The following POC5 variants were observed in gnomAD, a reference collection of about 807,000 sequenced individuals.
The protein encoded by POC5 is POC5 centriolar protein.
POC5 carries 48 observed loss-of-function variants against 62.9 expected under a neutral mutation model. The observed-to-expected ratio is 0.76, with a 90% confidence interval of 0.61 to 0.97. The LOEUF (loss-of-function observed/expected upper bound fraction) is 0.97, where lower values mean the gene tolerates loss of function less well. POC5 is among the 50% of genes least tolerant of loss of function. POC5 has a pLI of 0.00. For synonymous variants in POC5, 236 were observed against 228.2 expected, an observed-to-expected ratio of 1.03 and a Z score of -0.31; for missense variants, 696 against 679.5, an observed-to-expected ratio of 1.02 and a Z score of -0.27.
intron 11 of POC5, among the ~76,000 whole-genome samples, chr5:75,675,893 G>T (rs1169526613): frequency 6.6e-6 from 1 of 152,178 alleles, no homozygotes; most frequent in Non-Finnish European, 1.5e-5. Context: ...CGCATCCTTG[G>T]TTTTTTAGTA....
At chr5:75,702,943 A>G (rs1403040636) in intron 4 of POC5, 133 bp from the exon 5 acceptor site, 12 of 672,120 alleles carry the variant, frequency 1.8e-5, no homozygotes, top group Non-Finnish European at 3.0e-5. Flanking sequence ...ACTACCTTTC[A>G]GGTGTACCTT....
intron 10 of POC5, among the ~76,000 whole-genome samples, chr5:75,683,265 C>T (rs193220672): frequency 1.4e-3 from 216 of 150,188 alleles, no homozygotes; most frequent in Middle Eastern, 6.8e-3. Context: ...GAGACAGTCT[C>T]GCTGTGTCGC....
At chr5:75,707,669 C>T (rs1186772002) in intron 3 of POC5, 68 bp downstream of exon 3, 1 of 1,257,072 alleles carries the variant, frequency 8.0e-7, no homozygotes, top group Non-Finnish European at 1.1e-6. Context: ...TTTTCACAAT[C>T]CTGTCAGTAT....
intron 10 of POC5, among the ~76,000 whole-genome samples, chr5:75,678,729 CCT>C (rs1223242892): frequency 6.6e-6 from 1 of 152,046 alleles, no homozygotes; most frequent in Non-Finnish European, 1.5e-5. Context: ...AAAGAAAAAT[CCT>C]CTTTTGAGAG....
intron 10 of POC5, among the ~76,000 whole-genome samples, chr5:75,684,363 ATTT>A (rs749361349): frequency 1.8e-4 from 24 of 132,668 alleles, no homozygotes; most frequent in Admixed American, 3.1e-4. Context: ...TTCCTACATA[ATTT>A]TTTTTTTTTT....
intron 1 of POC5, among the ~76,000 whole-genome samples, chr5:75,714,674 G>A (rs925353235): frequency 1.3e-5 from 2 of 152,162 alleles, no homozygotes; most frequent in Non-Finnish European, 2.9e-5. Context: ...TGAGCAGGTT[G>A]GGAGGAAGGA....
chr5:75,683,446 G>A (rs376896466), intron 10 of POC5, among the ~76,000 whole-genome samples: 21 of 151,870 alleles, frequency 1.4e-4, no homozygotes, highest in African/African-American at 4.8e-4. Context: ...TCTTGGCCAG[G>A]CTGGTCTTGA....
intron 2 of POC5, among the ~76,000 whole-genome samples, chr5:75,710,647 T>C (rs903658833): frequency 2.6e-5 from 4 of 152,246 alleles, no homozygotes; most frequent in African/African-American, 7.2e-5. Context: ...CTGGGACTTC[T>C]AGCCTCCAGA....
At chr5:75,685,568 T>G (rs1776070800) in intron 9 of POC5, 84 bp from the exon 10 acceptor site, 2 of 1,416,052 alleles carry the variant, frequency 1.4e-6, no homozygotes, top group Non-Finnish European at 1.9e-6. Context: ...ACATACTGGC[T>G]AAAGTTTGGT....
chr5:75,685,111 C>T, intron 10 of POC5, 96 bp downstream of exon 10: 1 of 1,314,048 alleles, frequency 7.6e-7, no homozygotes. Flanking sequence ...TCGTGATCCA[C>T]CTGCCTCGGC....
chr5:75,712,389 T>C (rs1469460072), intron 2 of POC5: 2 of 1,609,738 alleles, frequency 1.2e-6, no homozygotes, highest in Non-Finnish European at 1.7e-6. Flanking sequence ...CTTCATTTTA[T>C]CTGTCAATGT....
At chr5:75,701,318 C>A (rs1003290003) in intron 5 of POC5, among the ~76,000 whole-genome samples, 6 of 126,064 alleles carry the variant, frequency 4.8e-5, no homozygotes, top group African/African-American at 8.4e-5. Flanking sequence ...TTGGAACCAA[C>A]CCAAATGTCC....
chr5:75,691,695 T>C (rs1406256005), intron 7 of POC5, among the ~76,000 whole-genome samples: 1 of 148,536 alleles, frequency 6.7e-6, no homozygotes, highest in African/African-American at 2.4e-5. Context: ...CTCACATGAA[T>C]ATACATGGAA....
chr5:75,685,153 C>T, intron 10 of POC5, 54 bp downstream of exon 10: 1 of 1,529,118 alleles, frequency 6.5e-7, no homozygotes, highest in East Asian at 2.5e-5. Flanking sequence ...AGGTGTGAGC[C>T]ACTGGGCCTG....
chr5:75,699,024 G>C (rs890357832), intron 5 of POC5, among the ~76,000 whole-genome samples: 7 of 152,156 alleles, frequency 4.6e-5, no homozygotes, highest in African/African-American at 7.2e-5. Context: ...CCAGGAAGAA[G>C]TTGAATCTCT....
chr5:75,698,020 A>G (rs912885958), intron 5 of POC5, among the ~76,000 whole-genome samples: 1 of 144,512 alleles, frequency 6.9e-6, no homozygotes, highest in African/African-American at 2.5e-5. Context: ...AGAGCTAACT[A>G]TCCTAAATAT....
chr5:75,697,369 T>C (rs1351084312), intron 5 of POC5, among the ~76,000 whole-genome samples: 1 of 150,836 alleles, frequency 6.6e-6, no homozygotes, highest in Admixed American at 6.6e-5. Flanking sequence ...CAGCAGAAAC[T>C]CTACAAGCCA....
At chr5:75,686,178 C>A (rs1776092520) in intron 9 of POC5, among the ~76,000 whole-genome samples, 1 of 152,184 alleles carries the variant, frequency 6.6e-6, no homozygotes, top group African/African-American at 2.4e-5. Flanking sequence ...CCAATAATGT[C>A]AAATTCCAGG....
chr5:75,716,273 C>A (rs1318370848), intron 1 of POC5, among the ~76,000 whole-genome samples: 1 of 150,594 alleles, frequency 6.6e-6, no homozygotes, highest in Non-Finnish European at 1.5e-5. Flanking sequence ...GTATCTGCAG[C>A]AAGGAATGGC....
Sources: gnomAD v4.1 joint callset for allele counts (sites outside exome capture counted in the v4.1 genomes callset) on GRCh38, gnomAD v4.1.1 for gene constraint, MANE v1.5 for transcripts, NCBI Gene and HGNC (gene_info 2026-07-23, HGNC 2026-07-21) for gene names.